The following DNM2 variants were observed in gnomAD, a reference collection of about 807,000 sequenced individuals.
DNM2 encodes dynamin 2, also known as dynamin-2.
Under a neutral mutation model 99.0 loss-of-function variants are expected in DNM2, and 15 were observed. The observed-to-expected ratio is 0.15, with a 90% CI of 0.10 to 0.23. The LOEUF (loss-of-function observed/expected upper bound fraction) is 0.23. Ranked by LOEUF, DNM2 falls within the 10% of genes least tolerant of loss-of-function variation. The pLI, the probability that DNM2 is intolerant of heterozygous loss-of-function variation, is 1.00. For missense variants in DNM2, 742 were observed against 1,189.4 expected (o/e 0.62, Z 5.53); for synonymous variants, 525 against 481.2 (o/e 1.09, Z -1.19).
chr19:10,757,908 A>G (rs919179537), intron 1 of DNM2, among the ~76,000 whole-genome samples: 5 of 143,966 alleles, frequency 3.5e-5, no homozygotes, highest in African/African-American at 1.3e-4. Context: ...GAGCCACTGC[A>G]CTCCAGCCTG....
chr19:10,738,416 A>G (rs2069611255), intron 1 of DNM2, among the ~76,000 whole-genome samples: 2 of 151,922 alleles, frequency 1.3e-5, no homozygotes, highest in South Asian at 4.2e-4. Context: ...CAGGAGTTTG[A>G]TACCAGCCTG....
chr19:10,758,291 T>C lies in DNM2; in HGVS notation c.162-1447T>C, dbSNP rs1329519625. 1.1e-3 allele frequency among the ~76,000 whole-genome samples: 139 copies of C among 127,488 alleles called. 2 individuals carry two copies. Among genetic ancestry groups the C allele is most frequent in the Middle Eastern group, 4.1e-3 (1 of 242 alleles). The allele number at this position is 127,488 out of a possible 152,430, so 83.6% of individuals were successfully genotyped here. ...CCTCCTTCCTTCCCTCCCTCCTTCC[T>C]TCCCTCCCTCCTTCCCTCCCTCCTT... is the stretch of plus-strand genomic sequence containing the variant. On this transcript the variant is annotated intron_variant, in intron 1 of 20. Transcript: ENST00000389253.
chr19:10,740,673 G>T (rs1344910510), intron 1 of DNM2, among the ~76,000 whole-genome samples: 2 of 152,124 alleles, frequency 1.3e-5, no homozygotes, highest in Admixed American at 6.6e-5. Context: ...CACCGCGCCC[G>T]GCCAAAATCT....
intron 17 of DNM2, chr19:10,824,354 T>C (rs1327571080): frequency 1.3e-5 from 3 of 224,548 alleles, no homozygotes; most frequent in Admixed American, 5.2e-5. Flanking sequence ...CTACAAAAAT[T>C]AGCCAGGCAT....
chr19:10,795,962 A>G lies in DNM2; in HGVS notation c.1196+523A>G. 2.5e-6 allele frequency: 4 copies of G among 1,592,820 alleles called. No homozygotes were observed. The highest frequency in any genetic ancestry group is 3.4e-6 in the Non-Finnish European group (4 of 1,170,798). ...CGACCCCACACATGACACAACCTTCATTCCTTGTTGGGGACCCGGCCAGGG... is the reference window on the plus strand; with the variant it reads ...CGACCCCACACATGACACAACCTTCGTTCCTTGTTGGGGACCCGGCCAGGG... On this transcript the variant is annotated intron_variant, in intron 9 of 20. Transcript: ENST00000389253. The surrounding 1 kb of genome is among the most constrained non-coding windows in gnomAD (Gnocchi z 4.2).
Position 10,778,019 on chromosome 19 carries a change from TTTTA to T in DNM2, c.688+837_688+840del, listed in dbSNP as rs5827114. 1.2e-3 allele frequency among the ~76,000 whole-genome samples: 161 copies of T among 138,236 alleles called. 1 individual carries two copies. Among genetic ancestry groups the T allele is most frequent in the East Asian group, 4.5e-3 (21 of 4,652 alleles). The allele number at this position is 138,236 out of a possible 152,430, so 90.7% of individuals were successfully genotyped here. ...CTTCCTGGAATATTTTATTTTTTCA[TTTTA>T]TTTATTTATTTATTTATTTATTTAT... is the stretch of plus-strand genomic sequence containing the variant. On this transcript the variant is annotated intron_variant, in intron 5 of 20. Transcript: ENST00000389253.
At chr19:10,726,676 C>CA (rs1219469867) in intron 1 of DNM2, among the ~76,000 whole-genome samples, 1 of 152,086 alleles carries the variant, frequency 6.6e-6, no homozygotes, top group Non-Finnish European at 1.5e-5. Context: ...CCAGCCTGGC[C>CA]AACATGGTGA....
At chr19:10,736,212 C>T (rs963268034) in intron 1 of DNM2, among the ~76,000 whole-genome samples, 1 of 151,294 alleles carries the variant, frequency 6.6e-6, no homozygotes, top group Admixed American at 6.6e-5. Flanking sequence ...TTGCAGTGAG[C>T]CAAGATCGCG....
intron 12 of DNM2, among the ~76,000 whole-genome samples, chr19:10,804,698 A>C (rs1385239618): frequency 6.6e-6 from 1 of 152,062 alleles, no homozygotes; most frequent in Non-Finnish European, 1.5e-5. Flanking sequence ...AAAAATAAAT[A>C]AGTAAATAAA....
rs1279573862 is a variant in DNM2, at chr19:10,816,843, G to A, written c.1672-3137G>A. On this transcript the variant is annotated intron_variant, in intron 15 of 20. Transcript: ENST00000389253. The surrounding 1 kb of genome is among the most constrained non-coding windows in gnomAD (Gnocchi z 4.6). The stretch of plus-strand genomic sequence containing the variant: ...GTTTTCAGATCTCCTCTTCCTTCAC[G>A]TGAGGGGCCCTTCGTGTTTTTCTCA... Among the ~76,000 whole-genome samples, 10 of 152,182 alleles carry A rather than the reference G, an allele frequency of 6.6e-5. No homozygotes were observed. Among genetic ancestry groups the A allele is most frequent in the Non-Finnish European group, 1.3e-4 (9 of 68,020 alleles).
At chr19:10,720,751 C>T (rs1340327744) in intron 1 of DNM2, among the ~76,000 whole-genome samples, 1 of 152,098 alleles carries the variant, frequency 6.6e-6, no homozygotes, top group African/African-American at 2.4e-5. Flanking sequence ...AGAAAAAGTG[C>T]TTACTTACCT....
At chr19:10,761,800 G>A (rs939694364) in intron 2 of DNM2, among the ~76,000 whole-genome samples, 1 of 152,132 alleles carries the variant, frequency 6.6e-6, no homozygotes, top group African/African-American at 2.4e-5. Flanking sequence ...CGCCCAACCT[G>A]GCAAGAAGGC....
intron 6 of DNM2, among the ~76,000 whole-genome samples, chr19:10,784,052 G>A (rs873016): frequency 0.56 from 84,545 of 151,820 alleles, 23,707 homozygotes; most frequent in Admixed American, 0.61. Flanking sequence ...AACAGAAATG[G>A]TATTAAAAGC....
intron 18 of DNM2, among the ~76,000 whole-genome samples, chr19:10,827,009 G>C (rs1889069659): frequency 2.0e-5 from 3 of 152,102 alleles, no homozygotes; most frequent in South Asian, 4.1e-4. Flanking sequence ...CCAGCACTTT[G>C]GGAGGCTTGG....
chr19:10,826,934 C>T, intron 18 of DNM2, among the ~76,000 whole-genome samples: 1 of 151,898 alleles, frequency 6.6e-6, no homozygotes, highest in Non-Finnish European at 1.5e-5. Context: ...ACCACAGAAA[C>T]CTGCGGATCT....
At chr19:10,743,950 C>T (rs2145776929) in intron 1 of DNM2, among the ~76,000 whole-genome samples, 1 of 150,258 alleles carries the variant, frequency 6.7e-6, no homozygotes, top group African/African-American at 2.5e-5. Context: ...CACGCCATTG[C>T]ACTCCAGCCA....
At chr19:10,801,772 G>T (rs1455281880) in intron 11 of DNM2, among the ~76,000 whole-genome samples, 1 of 151,616 alleles carries the variant, frequency 6.6e-6, no homozygotes, top group East Asian at 1.9e-4. Context: ...GGGCGTGGTG[G>T]CAGGCACCTG....
At chr19:10,824,704 T>C (rs2073087035) in intron 17 of DNM2, 1 of 351,950 alleles carries the variant, frequency 2.8e-6, no homozygotes, top group African/African-American at 2.1e-5. Flanking sequence ...TCCAGGGCGC[T>C]GAGGTGGGAG....
At chr19:10,800,780 A>G (rs747828586) in intron 11 of DNM2, among the ~76,000 whole-genome samples, 6 of 152,256 alleles carry the variant, frequency 3.9e-5, no homozygotes, top group Admixed American at 6.5e-5. Context: ...CATGGTTCCC[A>G]TAGACCAACT....
Sources: gnomAD v4.1 joint callset for allele counts (sites outside exome capture counted in the v4.1 genomes callset) on GRCh38, gnomAD v4.1.1 for gene constraint, Gnocchi (gnomAD v3.1) non-coding constraint, MANE v1.5 for transcripts, NCBI Gene and HGNC (gene_info 2026-07-23, HGNC 2026-07-21) for gene names.